The following SHROOM3 variants were observed in gnomAD, a reference collection of about 807,000 sequenced individuals.
SHROOM3 encodes the protein shroom family member 3.
Under a neutral mutation model 138.6 loss-of-function variants are expected in SHROOM3, and 47 were observed. The ratio of observed to expected loss-of-function variants is 0.34; its 90% CI spans 0.27 to 0.43. SHROOM3 has a LOEUF of 0.43. Ranked by LOEUF, SHROOM3 falls within the 20% of genes least tolerant of loss-of-function variation. The pLI is 1.00. For synonymous variants in SHROOM3, 1,062 were observed against 1,063.3 expected (o/e 1.00, Z 0.02); for missense variants, 2,491 against 2,596.5 (o/e 0.96, Z 0.88).
intron 5 of SHROOM3, chr4:76,742,279 G>A: frequency 3.1e-6 from 1 of 325,328 alleles, no homozygotes; most frequent in Non-Finnish European, 5.8e-6. Flanking sequence ...TTAGAGTCTG[G>A]GTCTGAGTAT....
chr4:76,734,513 CTTTTTTT>C (rs35737209), intron 4 of SHROOM3, among the ~76,000 whole-genome samples: 3 of 137,688 alleles, frequency 2.2e-5, no homozygotes, highest in African/African-American at 8.1e-5. Context: ...TTTAAAAATA[CTTTTTTT>C]TTTTTTTTTG....
chr4:76,469,273 T>C (rs995738113), intron 1 of SHROOM3, among the ~76,000 whole-genome samples: 1 of 152,132 alleles, frequency 6.6e-6, no homozygotes, highest in African/African-American at 2.4e-5. Context: ...CTATAGGTCC[T>C]AGTCAAGTCT....
chr4:76,622,224 C>T (rs1735022077), intron 2 of SHROOM3, among the ~76,000 whole-genome samples: 1 of 152,074 alleles, frequency 6.6e-6, no homozygotes, highest in South Asian at 2.1e-4. Context: ...TCATTTTCCC[C>T]TAGGCACTTT....
intron 2 of SHROOM3, among the ~76,000 whole-genome samples, chr4:76,615,016 T>G (rs568681273): frequency 8.5e-5 from 13 of 152,300 alleles, no homozygotes; most frequent in African/African-American, 3.1e-4. Context: ...GAAAAATGAC[T>G]GTTGCCCTCT....
At chr4:76,600,498 C>T (rs554943816) in intron 2 of SHROOM3, among the ~76,000 whole-genome samples, 1 of 152,264 alleles carries the variant, frequency 6.6e-6, no homozygotes, top group African/African-American at 2.4e-5. Flanking sequence ...GCCACTGAAG[C>T]TACACTTGAT....
rs184125091 is a variant in SHROOM3, at chr4:76,687,163, A to C, written c.324-22993A>C. Among the ~76,000 whole-genome samples, 733 of 152,360 alleles carry C rather than the reference A, an allele frequency of 4.8e-3. 4 individuals carry two copies. The highest frequency in any genetic ancestry group is 7.6e-3 in the Non-Finnish European group (514 of 68,030). ...ATATTTAAAATAAAAACTTTTAAAC[A>C]AAAGAAAAAATGTACAAATTACAAG... On this transcript the variant is annotated intron_variant, in intron 2 of 10. Transcript: ENST00000296043.
At chr4:76,622,126 C>T (rs1467810404) in intron 2 of SHROOM3, among the ~76,000 whole-genome samples, 1 of 152,064 alleles carries the variant, frequency 6.6e-6, no homozygotes, top group Non-Finnish European at 1.5e-5. Flanking sequence ...AATGTTCTTC[C>T]ATTCTTTATA....
chr4:76,680,344 T>C lies in SHROOM3; in HGVS notation c.324-29812T>C, dbSNP rs79374448. Among the ~76,000 whole-genome samples, 161 of 152,282 alleles carry C rather than the reference T, an allele frequency of 1.1e-3. 4 individuals carry two copies. In the East Asian group the frequency reaches 0.028, roughly 26 times the overall value. On this transcript the variant is annotated intron_variant, in intron 2 of 10. Transcript: ENST00000296043. ...TTAGTAGACACGGGGTTTCACTGTG[T>C]TAGCCAGGTTGGTCTTGATCTCCTG...
intron 1 of SHROOM3, among the ~76,000 whole-genome samples, chr4:76,495,776 A>G (rs982349219): frequency 5.7e-4 from 86 of 152,202 alleles, no homozygotes; most frequent in African/African-American, 1.9e-3. Context: ...GCAGTGTCTG[A>G]TATCAACTTA....
intron 2 of SHROOM3, among the ~76,000 whole-genome samples, chr4:76,703,361 G>T (rs1183517075): frequency 6.6e-6 from 1 of 151,908 alleles, no homozygotes; most frequent in East Asian, 1.9e-4. Flanking sequence ...AGAAGGTTAA[G>T]ACTTAAATGT....
At chr4:76,684,980 AT>A (rs902794925) in intron 2 of SHROOM3, among the ~76,000 whole-genome samples, 2 of 152,114 alleles carry the variant, frequency 1.3e-5, no homozygotes, top group African/African-American at 4.8e-5. Flanking sequence ...CTTGTTTTTC[AT>A]TTTGTTGTGA....
rs1421449696 is a variant in SHROOM3 at position 76,739,076 on chromosome 4, G to C, written c.903G>C (p.Gln301His). Residue 301 changes from glutamine to histidine, a missense_variant, in exon 5 of 11, where the codon CAG (glutamine) becomes CAC (histidine). This residue lies in a region of SHROOM3 where 1,733 missense variants were observed against 1,661.6 expected (regional missense o/e 1.04). Coordinates refer to ENST00000296043, the MANE Select transcript of SHROOM3 (RefSeq NM_020859.4). Reference sequence around the variant, plus strand: ...GTGGCCTCCTCGAAGGGATGAGGCAGGCAGATATTCGCTATGTCAAGACAG... The same window carrying C: ...GTGGCCTCCTCGAAGGGATGAGGCACGCAGATATTCGCTATGTCAAGACAG... ...ARGGLLEGMR[Q>H]ADIRYVKTVY... is the part of the protein sequence containing the mutation. 1 of 1,614,232 alleles carries C rather than the reference G, an allele frequency of 6.2e-7. No individual in the cohort carries two copies. Among genetic ancestry groups the C allele is most frequent in the East Asian group, 2.2e-5 (1 of 44,886 alleles).
At position 76,499,572 on chromosome 4, in the gene SHROOM3, G is replaced by A. The variant is rs550266889; in HGVS notation, c.169-56037G>A. Among the ~76,000 whole-genome samples, 61 of 152,266 alleles carry A rather than the reference G, an allele frequency of 4.0e-4. 3 individuals are homozygous for A. The South Asian group carries it at 0.012, about 31-fold the overall frequency. On this transcript the variant is annotated intron_variant, in intron 1 of 10. Coordinates refer to ENST00000296043, the MANE Select transcript of SHROOM3 (RefSeq NM_020859.4). ...AATATTGTGCTATACACTAGAGTTA[G>A]TTCAAAAATAAGAACAAGATCTGGG...
intron 2 of SHROOM3, among the ~76,000 whole-genome samples, chr4:76,678,958 A>G (rs964671581): frequency 3.3e-5 from 5 of 152,172 alleles, no homozygotes; most frequent in African/African-American, 4.8e-5. Flanking sequence ...CACCCCACCC[A>G]GCCGAGCAAT....
chr4:76,646,248 A>ATATATATATATATATATAT (rs1491297588), intron 2 of SHROOM3, among the ~76,000 whole-genome samples: 11 of 140,960 alleles, frequency 7.8e-5, no homozygotes, highest in African/African-American at 1.6e-4. Context: ...ATATATATAT[A>ATATATATATATATATATAT]AAATTAAAAA....
chr4:76,586,948 GT>G (rs1378251355), intron 2 of SHROOM3: 1 of 152,138 alleles, frequency 6.6e-6, no homozygotes, highest in African/African-American at 2.4e-5. Flanking sequence ...TCTTTTTTAG[GT>G]TTGTTCGACA....
At chr4:76,620,489 G>T (rs1734980973) in intron 2 of SHROOM3, among the ~76,000 whole-genome samples, 1 of 152,196 alleles carries the variant, frequency 6.6e-6, no homozygotes, top group Non-Finnish European at 1.5e-5. Flanking sequence ...TAGCACAAGT[G>T]ACAGGTGGAG....
At chr4:76,635,836 A>C (rs146568281) in intron 2 of SHROOM3, among the ~76,000 whole-genome samples, 74 of 152,344 alleles carry the variant, frequency 4.9e-4, no homozygotes, top group African/African-American at 1.7e-3. Context: ...AGCACGCAGC[A>C]GAACTCCAGG....
intron 1 of SHROOM3, among the ~76,000 whole-genome samples, chr4:76,529,321 C>CT (rs796611497): frequency 0.01 from 1,469 of 146,674 alleles, 27 homozygotes; most frequent in African/African-American, 0.032. Context: ...TTGTAGGATT[C>CT]TTTTTTTTTT....
Sources: allele counts gnomAD v4.1 joint callset (sites outside exome capture counted in the v4.1 genomes callset), GRCh38; gene constraint gnomAD v4.1.1; regional missense constraint gnomAD v4.1.1; transcripts MANE v1.5; gene names NCBI Gene and HGNC (gene_info 2026-07-23, HGNC 2026-07-21).